BUB1B: variants seen among roughly 807,000 people sequenced by gnomAD.
BUB1B encodes mitotic checkpoint serine/threonine-protein kinase BUB1 beta.
In BUB1B, 86 loss-of-function variants were observed where a neutral mutation model predicts 137.7. The observed-to-expected ratio is 0.62, with a 90% CI of 0.52 to 0.75. The LOEUF (loss-of-function observed/expected upper bound fraction) is 0.75, where lower values mean the gene tolerates loss of function less well. BUB1B is among the 30% of genes least tolerant of loss of function. The probability of loss-of-function intolerance (pLI) is 0.00; values close to 1 mark genes in which losing one functional copy is unlikely to be tolerated. For synonymous variants in BUB1B, 420 were observed against 417.9 expected, an observed-to-expected ratio of 1.00 and a Z score of -0.06; for missense variants, 1,130 against 1,236.9, an observed-to-expected ratio of 0.91 and a Z score of 1.30.
Position 40,208,747 on chromosome 15 carries a change from T to C in BUB1B, c.2120T>C (p.Leu707Pro), listed in dbSNP as rs1176240468. 1 of 1,613,046 alleles carries C rather than the reference T, an allele frequency of 6.2e-7. No homozygotes were observed. The highest frequency in any genetic ancestry group is 8.5e-7 in the Non-Finnish European group (1 of 1,179,026). The change falls in exon 16 of 23, where the codon CTA (leucine) becomes CCA (proline). Residue 707 changes from leucine (L) to proline (P), a missense_variant. Coordinates refer to ENST00000287598, the MANE Select transcript of BUB1B (RefSeq NM_001211.6). ...SIKCLQIPEK[L>P]ELTNETSENP... ...AAATGTCTTCAAATTCCTGAGAAAC[T>C]AGAACTTACTAATGAGACTTCAGGT...
At chr15:40,164,255 G>T (rs748030536) in intron 1 of BUB1B, among the ~76,000 whole-genome samples, 1 of 151,908 alleles carries the variant, frequency 6.6e-6, no homozygotes, top group South Asian at 2.1e-4. Context: ...TTGAGACAGG[G>T]TCTTGCTCTG....
In BUB1B at chr15:40,212,653, G is replaced by A. The variant is rs747803782; in HGVS notation, c.2535+5G>A. ...ATAAACTGCTTCACCCTTCAGGTCTGTAATACTAAAAACATAATTTAAAGT... is the reference window on the plus strand; with the variant it reads ...ATAAACTGCTTCACCCTTCAGGTCTATAATACTAAAAACATAATTTAAAGT... On this transcript the variant is annotated splice_donor_5th_base_variant and intron_variant, in intron 19 of 22. Coordinates refer to ENST00000287598, the MANE Select transcript of BUB1B (RefSeq NM_001211.6). 1.2e-6 allele frequency: 2 copies of A among 1,611,758 alleles called. No homozygotes were observed. Among genetic ancestry groups the A allele is most frequent in the East Asian group, 2.2e-5 (1 of 44,802 alleles).
intron 1 of BUB1B, among the ~76,000 whole-genome samples, chr15:40,164,036 G>C (rs529327781): frequency 6.6e-6 from 1 of 152,152 alleles, no homozygotes; most frequent in Admixed American, 6.5e-5. Context: ...TGCAGAATAC[G>C]TAATGGGAAT....
intron 3 of BUB1B, 110 bp from the exon 4 acceptor site, chr15:40,170,427 C>T: frequency 1.5e-6 from 2 of 1,321,082 alleles, no homozygotes. Context: ...CATTGAGGAC[C>T]TCAAAAGAAA....
chr15:40,204,668 G>T (rs1180375703), intron 14 of BUB1B, among the ~76,000 whole-genome samples: 1 of 150,774 alleles, frequency 6.6e-6, no homozygotes, highest in African/African-American at 2.4e-5. Flanking sequence ...ACAGGGCCTC[G>T]CTCTGTCACC....
At chr15:40,187,914 G>A (rs931552108) in intron 8 of BUB1B, among the ~76,000 whole-genome samples, 10 of 151,882 alleles carry the variant, frequency 6.6e-5, no homozygotes, top group African/African-American at 1.7e-4. Context: ...AATAAATAAC[G>A]AAAATAAAAA....
rs757353356 is a variant in BUB1B, at chr15:40,202,657, G to A, written c.1697G>A (p.Ser566Asn). ...RPLAVLKTSESITSNEDVSPD... is the reference protein window; with the variant it reads ...RPLAVLKTSENITSNEDVSPD... Reference sequence around the variant, plus strand: ...CTTGCAGTTCTCAAAACCTCAGAAAGCATCACCTCAAATGAAGATGTGTCT... The same window carrying A: ...CTTGCAGTTCTCAAAACCTCAGAAAACATCACCTCAAATGAAGATGTGTCT... The change falls in exon 14 of 23, where the codon AGC (serine) becomes AAC (asparagine). Residue 566 changes from serine to asparagine, a missense_variant. Ser to Asn is a conservative substitution (Grantham distance 46). Transcript: ENST00000287598. 2 of 1,614,050 alleles carry A rather than the reference G, an allele frequency of 1.2e-6. No homozygotes were observed. Among genetic ancestry groups the A allele is most frequent in the South Asian group, 2.2e-5 (2 of 91,082 alleles).
chr15:40,169,606 A>ATT (rs2037137847), intron 2 of BUB1B, among the ~76,000 whole-genome samples: 1 of 106,584 alleles, frequency 9.4e-6, no homozygotes, highest in East Asian at 2.7e-4. Flanking sequence ...AATTATTTCT[A>ATT]TTCTTTTTTT....
chr15:40,168,017 A>G (rs1411452807), intron 2 of BUB1B, among the ~76,000 whole-genome samples: 1 of 152,092 alleles, frequency 6.6e-6, no homozygotes, highest in Non-Finnish European at 1.5e-5. Flanking sequence ...TTGCCTTTGC[A>G]AACAAAGTTT....
rs563401347 is a variant in BUB1B, at chr15:40,193,826, G to A, written c.1059-2719G>A. Among the ~76,000 whole-genome samples, 381 of 151,832 alleles carry A rather than the reference G, an allele frequency of 2.5e-3. 2 individuals are homozygous for A. Among genetic ancestry groups the A allele is most frequent in the South Asian group, 5.4e-3 (26 of 4,808 alleles). On this transcript the variant is annotated intron_variant, in intron 8 of 22. Coordinates refer to ENST00000287598, the MANE Select transcript of BUB1B (RefSeq NM_001211.6). ...GGAGAATCGCTTGAACCTGAGAGGC[G>A]GAGGTTGCAGTGAACTGCGATCATG...
At chr15:40,187,131 T>A (rs1033940346) in intron 8 of BUB1B, 4 of 14,208 alleles carry the variant, frequency 2.8e-4, no homozygotes, top group Non-Finnish European at 4.9e-4. Flanking sequence ...ACAAAACAAA[T>A]TTTTTTTTTT....
At chr15:40,162,609 C>A (rs1310126341) in intron 1 of BUB1B, among the ~76,000 whole-genome samples, 4 of 152,122 alleles carry the variant, frequency 2.6e-5, no homozygotes, top group African/African-American at 9.7e-5. Context: ...GTAGGACTTG[C>A]TGACTGACTG....
In BUB1B at chr15:40,206,207, C is replaced by A; in HGVS notation, c.1758C>A (p.Pro586=). The change falls in exon 15 of 23, where the codon CCC becomes CCA. Residue 586 remains proline (P), a synonymous_variant. Coordinates refer to ENST00000287598, the MANE Select transcript of BUB1B (RefSeq NM_001211.6). The stretch of plus-strand genomic sequence containing the variant: ...AGGATGAATTTACAGGAATTGAACC[C>A]TTGAGCGAGGATGCCATTATCACAG... The part of the protein sequence containing the change: ...DVCDEFTGIE[P]LSEDAIITGF... The A allele has an allele frequency of 6.2e-7, 1 of 1,614,082 alleles. No homozygotes were observed. Among genetic ancestry groups the A allele is most frequent in the South Asian group, 1.1e-5 (1 of 91,060 alleles).
At position 40,213,474 on chromosome 15, in the gene BUB1B, G is replaced by C; in HGVS notation, c.2678G>C (p.Arg893Thr). The C allele has an allele frequency of 1.2e-6, 2 of 1,614,052 alleles. No homozygotes were observed. Among genetic ancestry groups the C allele is most frequent in the Non-Finnish European group, 1.7e-6 (2 of 1,179,990 alleles). ...CCAAGGTGTCTGATTCTCAGAAACA[G>C]GTTGGTCCTTTTCATTCTTATAATT... ...LSPRCLILRN[R>T]IHDPYDCNKN... The change falls in exon 20 of 23, where the codon AGA (arginine) becomes ACA (threonine). Residue 893 changes from arginine (R) to threonine (T), a missense_variant and splice_region_variant. Coordinates refer to ENST00000287598, the MANE Select transcript of BUB1B (RefSeq NM_001211.6).
rs143807849 is a variant in BUB1B at position 40,221,026 on chromosome 15, G to A, written c.*267G>A. On this transcript the variant is annotated 3_prime_UTR_variant, in exon 23 of 23. Coordinates refer to ENST00000287598, the MANE Select transcript of BUB1B (RefSeq NM_001211.6). ...GGTTACCTTGTTATTTAACCCATTT[G>A]TCTCTACTTTTCCCTGTACTTTTCC... 1 of 486,762 alleles carries A rather than the reference G, an allele frequency of 2.1e-6. No homozygotes were observed. The highest frequency in any genetic ancestry group is 1.9e-5 in the African/African-American group (1 of 52,006). The allele number at this position is 486,762 out of a possible 1,614,324, so 30.2% of individuals were successfully genotyped here. A position where few individuals can be genotyped will look rare whatever the true frequency, so the allele number is the denominator to read the frequency against.
At position 40,185,308 on chromosome 15, in the gene BUB1B, C is replaced by T. The variant is rs1263513288; in HGVS notation, c.895C>T (p.Pro299Ser). ...TACAGTCCAGCCATGGATAGCACCC[C>T]CCATGCCCAGGGCCAAAGAGAATGA... is the stretch of plus-strand genomic sequence containing the variant. ...KPTVQPWIAP[P>S]MPRAKENELQ... The change falls in exon 7 of 23, where the codon CCC becomes TCC. Residue 299 changes from proline to serine, a missense_variant. Transcript: ENST00000287598. 6.2e-7 allele frequency: 1 copy of T among 1,614,190 alleles called. No individual in the cohort carries two copies. Among genetic ancestry groups the T allele is most frequent in the Non-Finnish European group, 8.5e-7 (1 of 1,180,030 alleles).
In BUB1B at chr15:40,206,452, A is replaced by G. The variant is rs773512389; in HGVS notation, c.2003A>G (p.Lys668Arg). 1 of 1,614,160 alleles carries G rather than the reference A, an allele frequency of 6.2e-7. No homozygotes were observed. The highest frequency in any genetic ancestry group is 1.1e-5 in the South Asian group (1 of 91,084). ...TACAGTCAGACTCTCAGCATCAAGA[A>G]GCTGAGGTGATTGGGGATTTACAGG... Reference protein sequence around the residue: ...TIYSQTLSIKKLSPIIEDSRE... With the variant: ...TIYSQTLSIKRLSPIIEDSRE... The change falls in exon 15 of 23, where the codon AAG becomes AGG. Residue 668 changes from lysine (K) to arginine (R), a missense_variant. Transcript: ENST00000287598.
intron 14 of BUB1B, 66 bp downstream of exon 14, chr15:40,202,760 G>A (rs2037590978): frequency 4.5e-6 from 6 of 1,334,172 alleles, no homozygotes; most frequent in Non-Finnish European, 6.5e-6. Flanking sequence ...AACCACAAAA[G>A]CTTAAGGTTA....
At chr15:40,165,423 ACT>A (rs2037084840) in intron 2 of BUB1B, among the ~76,000 whole-genome samples, 1 of 152,028 alleles carries the variant, frequency 6.6e-6, no homozygotes, top group Non-Finnish European at 1.5e-5. Flanking sequence ...GTGCAGCGAA[ACT>A]CTTTTTATCA....
Sources: gnomAD v4.1 joint callset for allele counts (sites outside exome capture counted in the v4.1 genomes callset) on GRCh38, gnomAD v4.1.1 for gene constraint, MANE v1.5 for transcripts, NCBI Gene and HGNC (gene_info 2026-07-23, HGNC 2026-07-21) for gene names.